Variants in SLC35B1 observed in about 807,000 individuals in gnomAD.
SLC35B1 encodes ATP/ADP exchanger ER.
A neutral mutation model predicts 36.6 loss-of-function variants in SLC35B1; 27 were observed. The observed-to-expected ratio is 0.74, with a 90% confidence interval of 0.54 to 1.02. The LOEUF (loss-of-function observed/expected upper bound fraction) is 1.02, where lower values mean the gene tolerates loss of function less well. Among genes scored for constraint, SLC35B1 ranks in the 50% least tolerant of loss-of-function variants. SLC35B1 has a pLI of 0.00. For missense variants in SLC35B1, 321 were observed against 383.2 expected (o/e 0.84, Z 1.35); for synonymous variants, 162 against 152.5 (o/e 1.06, Z -0.46).
chr17:49,701,595 T>C (rs574815528), intron 8 of SLC35B1, 85 bp from the exon 9 acceptor site: 2 of 1,065,696 alleles, frequency 1.9e-6, no homozygotes, highest in African/African-American at 1.6e-5. Flanking sequence ...TAGTCGGCCT[T>C]GTATCTCCAA....
chr17:49,707,850 C>T lies in SLC35B1; in HGVS notation c.-17G>A. ...AGAGGCCATGAGACGCCCAGAGGAG[C>T]CGACTGGAGACCCGCTCACAACCGG... On this transcript the variant is annotated 5_prime_UTR_variant, in exon 1 of 9. Transcript: ENST00000240333. 1 of 1,611,144 alleles carries T rather than the reference C, an allele frequency of 6.2e-7. No homozygotes were observed. Among genetic ancestry groups the T allele is most frequent in the South Asian group, 1.1e-5 (1 of 90,918 alleles).
At chr17:49,705,407 G>C (rs1200299077) in intron 4 of SLC35B1, 126 bp from the exon 5 acceptor site, 1 of 991,616 alleles carries the variant, frequency 1.0e-6, no homozygotes, top group Non-Finnish European at 1.5e-6. Flanking sequence ...AAGGCTTAGA[G>C]AGGACAAAAG....
intron 1 of SLC35B1, chr17:49,707,272 A>AT (rs2073430894): frequency 6.9e-7 from 1 of 1,459,550 alleles, no homozygotes; most frequent in Non-Finnish European, 9.1e-7. Flanking sequence ...TACTGATTCC[A>AT]AAGCCTAAGA....
intron 6 of SLC35B1, 30 bp downstream of exon 6, chr17:49,704,070 C>T: frequency 6.2e-7 from 1 of 1,613,622 alleles, no homozygotes; most frequent in South Asian, 1.1e-5. Context: ...TCTGGTGATA[C>T]ATGGGAAGAA....
chr17:49,708,099 G>T (rs1399355263), upstream of SLC35B1: 1 of 733,232 alleles, frequency 1.4e-6, no homozygotes, highest in Admixed American at 2.1e-5. Flanking sequence ...CTGAGGGCCA[G>T]GGGAACCGGC....
chr17:49,705,663 T>G (rs2073406622), intron 4 of SLC35B1: 1 of 643,346 alleles, frequency 1.6e-6, no homozygotes, highest in Admixed American at 2.8e-5. Context: ...GGTCAGCCTT[T>G]AGCTCCTATT....
At chr17:49,705,681 A>C (rs1598010987) in intron 4 of SLC35B1, 185 bp downstream of exon 4, 1 of 680,404 alleles carries the variant, frequency 1.5e-6, no homozygotes, top group South Asian at 1.8e-5. Flanking sequence ...ATTAAGGATT[A>C]CCAGCCTATG....
chr17:49,707,780 G>A lies in SLC35B1; in HGVS notation c.54C>T (p.Phe18=). The part of the protein sequence containing the change: ...VPDRLRLPLC[F]LGVFVCYFYY... ...AAAAATAGCAGACAAAGACACCCAG[G>A]AAGCAGAGCGGCAGGCGCAGCCGGT... The change falls in exon 1 of 9, where the codon TTC becomes TTT. Residue 18 remains phenylalanine (F), a synonymous_variant. Coordinates refer to ENST00000240333, the MANE Select transcript of SLC35B1 (RefSeq NM_005827.4). 6.2e-7 allele frequency: 1 copy of A among 1,612,166 alleles called. No individual in the cohort carries two copies. The highest frequency in any genetic ancestry group is 1.1e-5 in the South Asian group (1 of 90,994).
At chr17:49,706,907 C>A (rs1274749846) in intron 2 of SLC35B1, 58 bp downstream of exon 2, 3 of 1,210,192 alleles carry the variant, frequency 2.5e-6, no homozygotes, top group Non-Finnish European at 2.5e-6. Flanking sequence ...TAATGCCCAG[C>A]ATACTGAGGG....
Position 49,706,269 on chromosome 17 carries a change from T to C in SLC35B1, c.274A>G (p.Ile92Val), listed in dbSNP as rs754087225. Residue 92 changes from isoleucine (I) to valine (V), a missense_variant, in exon 3 of 9, where the codon ATC becomes GTC. Physicochemically the swap from Ile to Val is conservative, Grantham distance 29 (BLOSUM62 3). Transcript: ENST00000240333. ...TRSWLYAACS[I>V]SYLGAMVSSN... ...GAGACCATGGCACCCAGATAGGAGA[T>C]AGAACAGGCAGCATAGAGCCAGCTC... 42 of 1,588,458 alleles carry C rather than the reference T, an allele frequency of 2.6e-5. No individual in the cohort carries two copies. The highest frequency in any genetic ancestry group is 5.5e-5 in the South Asian group (5 of 90,264).
chr17:49,708,002 G>A (rs1225878241), upstream of SLC35B1: 3 of 1,411,742 alleles, frequency 2.1e-6, no homozygotes, highest in Non-Finnish European at 2.9e-6. Flanking sequence ...AGAACTGCCG[G>A]CTCATGGCTG....
At chr17:49,703,341 A>AAT (rs770994337) in intron 6 of SLC35B1, 47 bp from the exon 7 acceptor site, 1 of 1,042,914 alleles carries the variant, frequency 9.6e-7, no homozygotes, top group East Asian at 2.5e-5. Flanking sequence ...GTGCACACAA[A>AAT]ATGTGCGCAC....
chr17:49,707,192 G>A, intron 1 of SLC35B1, 124 bp from the exon 2 acceptor site: 1 of 1,321,204 alleles, frequency 7.6e-7, no homozygotes, highest in Middle Eastern at 1.9e-4. Context: ...GGCAGAGTTT[G>A]TTAAGGACCA....
chr17:49,701,926 CAAA>C (rs34701118), intron 8 of SLC35B1: 777 of 253,570 alleles, frequency 3.1e-3, no homozygotes, highest in East Asian at 4.2e-3. Context: ...CCCATCGCTA[CAAA>C]AAAAAAAAAA....
At chr17:49,704,801 G>C (rs1312163527) in intron 5 of SLC35B1, among the ~76,000 whole-genome samples, 1 of 152,102 alleles carries the variant, frequency 6.6e-6, no homozygotes, top group East Asian at 1.9e-4. Context: ...TTAAACTCTG[G>C]CTTCCAGGTT....
rs991664555 is a variant in SLC35B1, at chr17:49,701,762, T to C, written c.917-252A>G. ...CAGATAGATATAGATACATATATAA[T>C]ACAGCAAGACTAAAAGAAATTTAAG... On this transcript the variant is annotated intron_variant, in intron 8 of 8. Transcript: ENST00000240333. The C allele has an allele frequency of 7.1e-6, 3 of 421,204 alleles. No individual in the cohort carries two copies. The East Asian group carries it at 1.3e-4, about 18-fold the overall frequency. 26.1% of individuals were successfully genotyped at this position (421,204 alleles called of 1,614,324 possible). A position where few individuals can be genotyped will look rare whatever the true frequency, so the allele number is the denominator to read the frequency against.
chr17:49,705,372 A>C (rs975244556), intron 4 of SLC35B1, 91 bp from the exon 5 acceptor site: 5 of 1,288,352 alleles, frequency 3.9e-6, no homozygotes, highest in Non-Finnish European at 5.4e-6. Flanking sequence ...GAAAAGACTC[A>C]GGGAGAAAAG....
intron 6 of SLC35B1, 43 bp downstream of exon 6, chr17:49,704,057 C>T: frequency 1.2e-6 from 2 of 1,612,950 alleles, no homozygotes; most frequent in Non-Finnish European, 1.7e-6. Flanking sequence ...GGGCAGCCTG[C>T]CCTCTGGTGA....
chr17:49,702,948 G>C lies in SLC35B1; in HGVS notation c.826C>G (p.Arg276Gly). 1 of 1,614,076 alleles carries C rather than the reference G, an allele frequency of 6.2e-7. No homozygotes were observed. Among genetic ancestry groups the C allele is most frequent in the Non-Finnish European group, 8.5e-7 (1 of 1,180,012 alleles). ...PLTCSIITTT[R>G]KFFTILASVI... ...GAGGCCAAAATTGTGAAGAACTTTC[G>C]AGTTGTAGTGATGATGGAGCAGGTC... is the stretch of plus-strand genomic sequence containing the variant. The change falls in exon 8 of 9, where the codon CGA becomes GGA. Residue 276 changes from arginine (R) to glycine (G), a missense_variant. By Grantham distance (125) the Arg-to-Gly change is moderately radical. Coordinates refer to ENST00000240333, the MANE Select transcript of SLC35B1 (RefSeq NM_005827.4).
Sources: gnomAD v4.1 joint callset for allele counts (sites outside exome capture counted in the v4.1 genomes callset) on GRCh38, gnomAD v4.1.1 for gene constraint, MANE v1.5 for transcripts, NCBI Gene and HGNC (gene_info 2026-07-23, HGNC 2026-07-21) for gene names.